The following PLEKHG7 variants were observed in gnomAD, a reference collection of about 807,000 sequenced individuals.
The protein encoded by PLEKHG7 is pleckstrin homology domain-containing family G member 7.
A neutral mutation model predicts 85.2 loss-of-function variants in PLEKHG7; 77 were observed. The observed-to-expected ratio is 0.90, with a 90% CI of 0.75 to 1.09. The LOEUF is 1.09. Ranked by LOEUF, PLEKHG7 falls within the 50% of genes least tolerant of loss-of-function variation. The pLI is 0.00. For missense variants in PLEKHG7, 777 were observed against 804.3 expected, an observed-to-expected ratio of 0.97 and a Z score of 0.41; for synonymous variants, 301 against 302.4, an observed-to-expected ratio of 1.00 and a Z score of 0.05.
rs201846350 is a variant in PLEKHG7 at position 92,755,943 on chromosome 12, A to T, written c.1542+3A>T. 6.9e-5 allele frequency: 109 copies of T among 1,581,968 alleles called. No homozygotes were observed. In the East Asian group the frequency reaches 2.3e-3, roughly 33 times the overall value. On this transcript the variant is annotated splice_donor_region_variant and intron_variant, in intron 12 of 16. Transcript: ENST00000344636. Reference sequence around the variant, plus strand: ...ATAAAAGGTTTTTCATTCCAGAGGTACAAAAAAAAAATCAATTAGGACTTA... The same window carrying T: ...ATAAAAGGTTTTTCATTCCAGAGGTTCAAAAAAAAAATCAATTAGGACTTA...
intron 5 of PLEKHG7, among the ~76,000 whole-genome samples, chr12:92,735,297 G>A (rs931602309): frequency 6.6e-6 from 1 of 152,158 alleles, no homozygotes; most frequent in African/African-American, 2.4e-5. Context: ...CTGCTGTGGA[G>A]GCTAATGAGT....
chr12:92,731,455 G>C (rs749997056), intron 4 of PLEKHG7, among the ~76,000 whole-genome samples: 1 of 152,198 alleles, frequency 6.6e-6, no homozygotes, highest in South Asian at 2.1e-4. Context: ...CTGATAGAGA[G>C]AGAGATGGAC....
chr12:92,770,286 C>A lies in PLEKHG7; in HGVS notation c.*91C>A. ...TTTGTAACACTTAGCTAGTGATAAGCTAGAAGGAAATTTGCATTTTAAAGA... is the reference window on the plus strand; with the variant it reads ...TTTGTAACACTTAGCTAGTGATAAGATAGAAGGAAATTTGCATTTTAAAGA... On this transcript the variant is annotated 3_prime_UTR_variant, in exon 17 of 17. Coordinates refer to ENST00000344636, the MANE Select transcript of PLEKHG7 (RefSeq NM_001377329.1). The A allele has an allele frequency of 1.0e-6, 1 of 975,790 alleles. No individual in the cohort carries two copies. The highest frequency in any genetic ancestry group is 1.5e-6 in the Non-Finnish European group (1 of 648,486). The allele number at this position is 975,790 out of a possible 1,614,324, so 60.4% of individuals were successfully genotyped here.
At chr12:92,712,410 G>T (rs1395366408) in intron 3 of PLEKHG7, among the ~76,000 whole-genome samples, 2 of 152,238 alleles carry the variant, frequency 1.3e-5, no homozygotes, top group Non-Finnish European at 2.9e-5. Context: ...GGTACCAGGA[G>T]ATGTGTTCAT....
chr12:92,756,385 C>T lies in PLEKHG7; in HGVS notation c.1630C>T (p.Leu544Phe). Residue 544 changes from leucine (L) to phenylalanine (F), a missense_variant, in exon 13 of 17, where the codon CTT (leucine) becomes TTT (phenylalanine). Leu to Phe is a conservative substitution (Grantham distance 22). Coordinates refer to ENST00000344636, the MANE Select transcript of PLEKHG7 (RefSeq NM_001377329.1). ...CCTTCTCTATGAAGGAAAATTAACT[C>T]TTGCAGGTAAATAACTGCTTCCTTT... ...RHLLYEGKLT[L>F]AESTRFLDVY... is the part of the protein sequence containing the mutation. The T allele has an allele frequency of 6.2e-7, 1 of 1,608,188 alleles. No individual in the cohort carries two copies. Among genetic ancestry groups the T allele is most frequent in the Non-Finnish European group, 8.5e-7 (1 of 1,174,638 alleles).
At chr12:92,731,996 A>T (rs1872005361) in intron 4 of PLEKHG7, among the ~76,000 whole-genome samples, 1 of 152,208 alleles carries the variant, frequency 6.6e-6, no homozygotes, top group Non-Finnish European at 1.5e-5. Context: ...AAGAAACAGG[A>T]CAGTACCACC....
chr12:92,750,306 G>A (rs1872657493), intron 10 of PLEKHG7, among the ~76,000 whole-genome samples: 1 of 152,084 alleles, frequency 6.6e-6, no homozygotes, highest in Admixed American at 6.6e-5. Flanking sequence ...TAACGGACCT[G>A]AAAAATGAAG....
chr12:92,762,665 C>G (rs1413441665), intron 14 of PLEKHG7, among the ~76,000 whole-genome samples: 3 of 152,130 alleles, frequency 2.0e-5, no homozygotes, highest in Admixed American at 6.5e-5. Context: ...GACACCTGCT[C>G]TAAGAGGTGG....
At chr12:92,715,125 A>T (rs557169295) in intron 3 of PLEKHG7, among the ~76,000 whole-genome samples, 4 of 152,360 alleles carry the variant, frequency 2.6e-5, no homozygotes, top group African/African-American at 9.6e-5. Flanking sequence ...GCTGTCTGCC[A>T]GCTGCGGAGC....
At chr12:92,714,923 G>T (rs1871436509) in intron 3 of PLEKHG7, among the ~76,000 whole-genome samples, 1 of 152,010 alleles carries the variant, frequency 6.6e-6, no homozygotes, top group African/African-American at 2.4e-5. Flanking sequence ...CAAAACCAAT[G>T]AAAGAACTCC....
rs143034066 is a variant in PLEKHG7 at position 92,740,050 on chromosome 12, G to A, written c.940-803G>A. Among the ~76,000 whole-genome samples, 433 of 152,276 alleles carry A rather than the reference G, an allele frequency of 2.8e-3. 9 individuals are homozygous for A. The highest frequency in any genetic ancestry group is 0.022 in the Admixed American group (338 of 15,286). Reference sequence around the variant, plus strand: ...CCAGGTGATTCCGATGCAAGTTCAAGAACCACTCATTACACTAATGAAATA... The same window carrying A: ...CCAGGTGATTCCGATGCAAGTTCAAAAACCACTCATTACACTAATGAAATA... On this transcript the variant is annotated intron_variant, in intron 7 of 16. Transcript: ENST00000344636.
At chr12:92,747,314 CAAT>C (rs1332018353) in intron 10 of PLEKHG7, among the ~76,000 whole-genome samples, 4 of 146,370 alleles carry the variant, frequency 2.7e-5, no homozygotes, top group Non-Finnish European at 4.5e-5. Context: ...ATCAAAACCA[CAAT>C]GAGATATCAT....
chr12:92,745,929 T>C (rs540427558), intron 10 of PLEKHG7, among the ~76,000 whole-genome samples: 2 of 152,362 alleles, frequency 1.3e-5, no homozygotes, highest in South Asian at 4.1e-4. Flanking sequence ...CTTTGTGACT[T>C]AGAAGTTTGG....
chr12:92,737,749 G>GAGGAAGGAAGGGAAGGAAGGAAGGAAGGA (rs71069178), intron 7 of PLEKHG7, among the ~76,000 whole-genome samples: 6,414 of 125,916 alleles, frequency 0.051, 395 homozygotes, highest in African/African-American at 0.11. Flanking sequence ...GGGAGGGAGG[G>GAGGAAGGAAGGGAAGGAAGGAAGGAAGGA]AGGAAGGAAG....
chr12:92,740,276 T>C (rs1872312433), intron 7 of PLEKHG7, among the ~76,000 whole-genome samples: 1 of 152,218 alleles, frequency 6.6e-6, no homozygotes, highest in South Asian at 2.1e-4. Context: ...TTGTACTTTT[T>C]TTTGACTTGC....
rs866596014 is a variant in PLEKHG7 at position 92,727,975 on chromosome 12, T to C, written c.531-1018T>C. ...GTGTGTGTGTGTGTATATATATATA[T>C]ACACATATATACACACACCACATTC... On this transcript the variant is annotated intron_variant, in intron 3 of 16. Transcript: ENST00000344636. Among the ~76,000 whole-genome samples, 118 of 143,804 alleles carry C rather than the reference T, an allele frequency of 8.2e-4. 1 individual carries two copies. The highest frequency in any genetic ancestry group is 3.5e-3 in the Middle Eastern group (1 of 282). 94.3% of individuals were successfully genotyped at this position (143,804 alleles called of 152,430 possible). A position where few individuals can be genotyped will look rare whatever the true frequency, so the allele number is the denominator to read the frequency against.
At chr12:92,709,644 G>A (rs1221632989) in intron 3 of PLEKHG7, among the ~76,000 whole-genome samples, 5 of 152,180 alleles carry the variant, frequency 3.3e-5, no homozygotes, top group Admixed American at 6.5e-5. Context: ...GCAGATCAAT[G>A]GGATGCATGA....
intron 7 of PLEKHG7, among the ~76,000 whole-genome samples, chr12:92,737,749 G>GAGGAAGGAAGGGAAGGAACGAAGGAAGGA (rs71069178): frequency 7.9e-6 from 1 of 125,938 alleles, no homozygotes; most frequent in Admixed American, 8.1e-5. Flanking sequence ...GGGAGGGAGG[G>GAGGAAGGAAGGGAAGGAACGAAGGAAGGA]AGGAAGGAAG....
chr12:92,747,275 C>T (rs534316051), intron 10 of PLEKHG7, among the ~76,000 whole-genome samples: 1 of 148,638 alleles, frequency 6.7e-6, no homozygotes, highest in South Asian at 2.1e-4. Flanking sequence ...AAAAAAATCT[C>T]AACATCACTA....
Sources: gnomAD v4.1 joint callset for allele counts (sites outside exome capture counted in the v4.1 genomes callset) on GRCh38, gnomAD v4.1.1 for gene constraint, MANE v1.5 for transcripts, NCBI Gene and HGNC (gene_info 2026-07-23, HGNC 2026-07-21) for gene names.